The following GDNF variants were observed in gnomAD, a reference collection of about 807,000 sequenced individuals.
GDNF encodes the protein glial cell line-derived neurotrophic factor.
GDNF carries 5 observed loss-of-function variants against 13.7 expected under a neutral mutation model. The ratio of observed to expected loss-of-function variants is 0.36; its 90% CI spans 0.19 to 0.77. The LOEUF (loss-of-function observed/expected upper bound fraction) is 0.77, where lower values mean the gene tolerates loss of function less well. GDNF is among the 30% of genes least tolerant of loss of function. GDNF has a pLI of 0.51. For synonymous variants in GDNF, 122 were observed against 112.5 expected (o/e 1.08, Z -0.53); for missense variants, 246 against 274.3 (o/e 0.90, Z 0.73).
chr5:37,816,234 A>T, intron 2 of GDNF, 99 bp from the exon 3 acceptor site: 2 of 1,204,332 alleles, frequency 1.7e-6, no homozygotes, highest in Non-Finnish European at 2.4e-6. Flanking sequence ...CAAAAATTGG[A>T]CCCACAGCAA....
intron 2 of GDNF, among the ~76,000 whole-genome samples, chr5:37,832,256 T>C (rs903341319): frequency 3.9e-5 from 6 of 152,226 alleles, no homozygotes; most frequent in African/African-American, 1.2e-4. Context: ...TTAAATGAAA[T>C]GTGGTGACTT....
At chr5:37,827,297 C>T (rs1481777064) in intron 2 of GDNF, among the ~76,000 whole-genome samples, 1 of 151,800 alleles carries the variant, frequency 6.6e-6, no homozygotes, top group African/African-American at 2.4e-5. Flanking sequence ...AGTATTATAT[C>T]CATGTTAAAT....
intron 2 of GDNF, among the ~76,000 whole-genome samples, chr5:37,830,114 A>G (rs941526130): frequency 3.3e-5 from 5 of 152,224 alleles, no homozygotes; most frequent in African/African-American, 1.2e-4. Context: ...GTTGCACTAG[A>G]AGCTTCCTTA....
chr5:37,830,483 C>T (rs545222046), intron 2 of GDNF, among the ~76,000 whole-genome samples: 4 of 152,234 alleles, frequency 2.6e-5, no homozygotes, highest in Admixed American at 1.3e-4. Context: ...GGACTGCCTA[C>T]GTGCTGACCA....
At chr5:37,826,679 A>ACT (rs1339392938) in intron 2 of GDNF, among the ~76,000 whole-genome samples, 3 of 152,212 alleles carry the variant, frequency 2.0e-5, no homozygotes, top group African/African-American at 7.2e-5. Context: ...GCACAGGAAG[A>ACT]CTTTCTGCAG....
rs1215981283 is a variant in GDNF at position 37,834,632 on chromosome 5, G to T, written c.151+14C>A. 6.6e-7 allele frequency: 1 copy of T among 1,512,586 alleles called. No individual in the cohort carries two copies. Among genetic ancestry groups the T allele is most frequent in the Non-Finnish European group, 8.8e-7 (1 of 1,134,818 alleles). The allele number at this position is 1,512,586 out of a possible 1,614,324, so 93.7% of individuals were successfully genotyped here. On this transcript the variant is annotated intron_variant, in intron 2 of 2. Coordinates refer to ENST00000326524, the MANE Select transcript of GDNF (RefSeq NM_000514.4). Reference sequence around the variant, plus strand: ...CCGCCGGCGGCCCCCCCGCGGGGAGGGAACGGTTCTTACAGTCACTGCTCA... The same window carrying T: ...CCGCCGGCGGCCCCCCCGCGGGGAGTGAACGGTTCTTACAGTCACTGCTCA...
At position 37,814,213 on chromosome 5, in the gene GDNF, A is replaced by G. The variant is rs1749826419; in HGVS notation, c.*1438T>C. 1 of 152,494 alleles carries G rather than the reference A, an allele frequency of 6.6e-6. No individual in the cohort carries two copies. Among genetic ancestry groups the G allele is most frequent in the South Asian group, 2.1e-4 (1 of 4,836 alleles). The allele number at this position is 152,494 out of a possible 1,614,324, so 9.4% of individuals were successfully genotyped here. A position where few individuals can be genotyped will look rare whatever the true frequency, so the allele number is the denominator to read the frequency against. On this transcript the variant is annotated 3_prime_UTR_variant, in exon 3 of 3. Coordinates refer to ENST00000326524, the MANE Select transcript of GDNF (RefSeq NM_000514.4). ...TTACTTTTAGGTCAGCATTAAATCC[A>G]GGACTACCTACTAAAAGGAACTGAA...
chr5:37,834,801 A>G lies in GDNF; in HGVS notation c.-5T>C. The G allele has an allele frequency of 6.2e-7, 1 of 1,612,254 alleles. No homozygotes were observed. The highest frequency in any genetic ancestry group is 8.5e-7 in the Non-Finnish European group (1 of 1,179,280). On this transcript the variant is annotated 5_prime_UTR_variant, in exon 2 of 3. Transcript: ENST00000326524. Reference sequence around the variant, plus strand: ...CACGACATCCCATAACTTCATCTTAAAGTCCCGTCCGGCGGCGGCACCTGC... The same window carrying G: ...CACGACATCCCATAACTTCATCTTAGAGTCCCGTCCGGCGGCGGCACCTGC...
At chr5:37,819,695 C>T (rs1021875775) in intron 2 of GDNF, among the ~76,000 whole-genome samples, 1 of 151,938 alleles carries the variant, frequency 6.6e-6, no homozygotes, top group Admixed American at 6.6e-5. Context: ...TCAGGTGATC[C>T]GTCCGCCTCA....
At chr5:37,821,239 G>A (rs899383254) in intron 2 of GDNF, among the ~76,000 whole-genome samples, 5 of 152,158 alleles carry the variant, frequency 3.3e-5, no homozygotes, top group Admixed American at 1.3e-4. Context: ...AATGCCCACA[G>A]CTGCCTCCAT....
intron 1 of GDNF, among the ~76,000 whole-genome samples, chr5:37,835,161 G>A (rs1750660904): frequency 6.6e-6 from 1 of 151,290 alleles, no homozygotes; most frequent in Non-Finnish European, 1.5e-5. Flanking sequence ...CCCTCTACTG[G>A]TGCGCAACAT....
In GDNF at chr5:37,813,344, T is replaced by C. The variant is rs189476459; in HGVS notation, c.*2307A>G. 2 of 152,302 alleles carry C rather than the reference T, an allele frequency of 1.3e-5. No homozygotes were observed. The highest frequency in any genetic ancestry group is 6.5e-5 in the Admixed American group (1 of 15,298). The allele number at this position is 152,302 out of a possible 1,614,324, so 9.4% of individuals were successfully genotyped here. On this transcript the variant is annotated 3_prime_UTR_variant, in exon 3 of 3. Transcript: ENST00000326524. ...TTATTTGATGGAGGCCAGTATTTCA[T>C]TTAATTGCTAAATCTGTCATAGTTT...
intron 2 of GDNF, among the ~76,000 whole-genome samples, chr5:37,822,785 C>T (rs1046447906): frequency 6.6e-6 from 1 of 152,096 alleles, no homozygotes; most frequent in African/African-American, 2.4e-5. Context: ...CAGAGACACA[C>T]ATATACATAC....
chr5:37,830,730 C>A (rs937133098), intron 2 of GDNF, among the ~76,000 whole-genome samples: 4 of 152,170 alleles, frequency 2.6e-5, no homozygotes, highest in Non-Finnish European at 5.9e-5. Flanking sequence ...TCTAAGTTAA[C>A]CCTCACATCA....
chr5:37,818,821 T>A (rs1342569265), intron 2 of GDNF, among the ~76,000 whole-genome samples: 1 of 152,054 alleles, frequency 6.6e-6, no homozygotes, highest in Non-Finnish European at 1.5e-5. Context: ...TAGTCCCACA[T>A]CTCCTTCAAG....
At chr5:37,822,304 C>T (rs1214714658) in intron 2 of GDNF, among the ~76,000 whole-genome samples, 1 of 152,176 alleles carries the variant, frequency 6.6e-6, no homozygotes, top group Non-Finnish European at 1.5e-5. Context: ...AGAGAGAAGG[C>T]TCAGGGGTTT....
intron 2 of GDNF, among the ~76,000 whole-genome samples, chr5:37,833,570 T>G (rs530447686): frequency 6.6e-6 from 1 of 152,256 alleles, no homozygotes; most frequent in East Asian, 1.9e-4. Flanking sequence ...CCAAGGCCAT[T>G]GGGTTTGGGG....
chr5:37,815,660 T>A lies in GDNF; in HGVS notation c.627A>T (p.Gly209=). 1 of 1,613,666 alleles carries A rather than the reference T, an allele frequency of 6.2e-7. No individual in the cohort carries two copies. The highest frequency in any genetic ancestry group is 1.3e-5 in the African/African-American group (1 of 75,010). ...GTCTCTGGAGCCGGAGTCAGATACA[T>A]CCACACCTTTTAGCGGAATGCTTTC... The part of the protein sequence containing the change: ...ILRKHSAKRC[G]CI The change falls in exon 3 of 3, where the codon GGA becomes GGT. Residue 209 remains glycine, a synonymous_variant. Coordinates refer to ENST00000326524, the MANE Select transcript of GDNF (RefSeq NM_000514.4). This position sits in a 1 kb window ranked among gnomAD's most constrained non-coding sequence, Gnocchi z 5.0.
At chr5:37,827,131 A>G (rs1185924335) in intron 2 of GDNF, among the ~76,000 whole-genome samples, 1 of 152,182 alleles carries the variant, frequency 6.6e-6, no homozygotes, top group Admixed American at 6.5e-5. Flanking sequence ...TGCGGGAAAA[A>G]AAGACTTGGG....
Sources: allele counts gnomAD v4.1 joint callset (sites outside exome capture counted in the v4.1 genomes callset), GRCh38; gene constraint gnomAD v4.1.1; non-coding constraint Gnocchi (gnomAD v3.1); transcripts MANE v1.5; gene names NCBI Gene and HGNC (gene_info 2026-07-23, HGNC 2026-07-21).